The following USP15 variants were observed in gnomAD, a reference collection of about 807,000 sequenced individuals.
USP15 encodes the protein ubiquitin specific peptidase 15.
A neutral mutation model predicts 127.1 loss-of-function variants in USP15; 18 were observed. The observed-to-expected ratio is 0.14, with a 90% CI of 0.10 to 0.21. The LOEUF (loss-of-function observed/expected upper bound fraction) is 0.21. Ranked by LOEUF, USP15 falls within the 10% of genes least tolerant of loss-of-function variation. USP15 has a pLI of 1.00. For missense variants in USP15, 805 were observed against 1,159.9 expected, an observed-to-expected ratio of 0.69 and a Z score of 4.44; for synonymous variants, 364 against 393.7, an observed-to-expected ratio of 0.92 and a Z score of 0.89.
At chr12:62,296,335 C>T (rs1287901689) in intron 2 of USP15, among the ~76,000 whole-genome samples, 1 of 152,138 alleles carries the variant, frequency 6.6e-6, no homozygotes, top group Non-Finnish European at 1.5e-5. Flanking sequence ...GAACTGTGAA[C>T]TAATAAATCG....
chr12:62,275,991 C>T (rs917225707), intron 1 of USP15, among the ~76,000 whole-genome samples: 1 of 152,014 alleles, frequency 6.6e-6, no homozygotes, highest in African/African-American at 2.4e-5. Context: ...AGATTGAAAA[C>T]CATAGGTCTT....
In USP15 at chr12:62,384,110, A is replaced by G; in HGVS notation, c.1281A>G (p.Leu427=). 1 of 1,612,836 alleles carries G rather than the reference A, an allele frequency of 6.2e-7. No individual in the cohort carries two copies. The highest frequency in any genetic ancestry group is 8.5e-7 in the Non-Finnish European group (1 of 1,179,252). ...CCGAAGAAGCCTGGGAAAACCATTT[A>G]AAACGAAATGATTCTATCATAGTAG... ...VVAEEAWENH[L]KRNDSIIVDI... The change falls in exon 11 of 22, where the codon TTA becomes TTG. Residue 427 remains leucine, a synonymous_variant. Coordinates refer to ENST00000280377, the MANE Select transcript of USP15 (RefSeq NM_001252078.2).
At chr12:62,377,827 T>G (rs1400173970) in intron 8 of USP15, among the ~76,000 whole-genome samples, 3 of 151,518 alleles carry the variant, frequency 2.0e-5, no homozygotes, top group African/African-American at 7.3e-5. Context: ...AATTGCTTGA[T>G]TTTTTTTTCC....
intron 3 of USP15, among the ~76,000 whole-genome samples, chr12:62,306,694 A>G (rs2064492347): frequency 6.6e-6 from 1 of 152,202 alleles, no homozygotes; most frequent in Non-Finnish European, 1.5e-5. Context: ...AACAGAGCCA[A>G]TATTTACTAG....
chr12:62,340,073 G>C (rs2065600964), intron 6 of USP15, among the ~76,000 whole-genome samples: 1 of 152,082 alleles, frequency 6.6e-6, no homozygotes, highest in Non-Finnish European at 1.5e-5. Context: ...ACTTGTTATT[G>C]GTCTATTCAG....
In USP15 at chr12:62,338,997, T is replaced by A. The variant is rs558796242; in HGVS notation, c.684-10224T>A. Among the ~76,000 whole-genome samples, 6 of 152,346 alleles carry A rather than the reference T, an allele frequency of 3.9e-5. 1 individual carries two copies. The highest frequency in any genetic ancestry group is 1.4e-4 in the African/African-American group (6 of 41,590). On this transcript the variant is annotated intron_variant, in intron 6 of 21. Coordinates refer to ENST00000280377, the MANE Select transcript of USP15 (RefSeq NM_001252078.2). Reference sequence around the variant, plus strand: ...TGAAATTTAAAGTAGTTTTTTCTAATTCTGTGAAGAATGTCAATGTCAATT... The same window carrying A: ...TGAAATTTAAAGTAGTTTTTTCTAAATCTGTGAAGAATGTCAATGTCAATT...
chr12:62,279,997 C>G (rs1156478870), intron 1 of USP15, among the ~76,000 whole-genome samples: 1 of 152,046 alleles, frequency 6.6e-6, no homozygotes, highest in Admixed American at 6.6e-5. Context: ...ACTTTGTAAC[C>G]TTGGGCAAGT....
chr12:62,350,615 G>T (rs963485132), intron 7 of USP15, among the ~76,000 whole-genome samples: 1 of 152,034 alleles, frequency 6.6e-6, no homozygotes, highest in African/African-American at 2.4e-5. Flanking sequence ...TACAAGTAAA[G>T]GAATTAAATA....
chr12:62,287,798 CT>C (rs1400053705), intron 1 of USP15, among the ~76,000 whole-genome samples: 4 of 152,108 alleles, frequency 2.6e-5, no homozygotes, highest in African/African-American at 9.7e-5. Flanking sequence ...CAGTTTCATT[CT>C]TCTGCATGTG....
chr12:62,396,789 T>A lies in USP15; in HGVS notation c.2674+391T>A, dbSNP rs116651009. Among the ~76,000 whole-genome samples the A allele has an allele frequency of 3.5e-3, 533 of 152,318 alleles. 4 individuals carry two copies. Among genetic ancestry groups the A allele is most frequent in the African/African-American group, 0.012 (494 of 41,564 alleles). Reference sequence around the variant, plus strand: ...CTCGACACTTATGAAGACTTATCTGTGTTGCTTTGTGTCCATTTAGTCAGT... The same window carrying A: ...CTCGACACTTATGAAGACTTATCTGAGTTGCTTTGTGTCCATTTAGTCAGT... On this transcript the variant is annotated intron_variant, in intron 20 of 21. Transcript: ENST00000280377.
chr12:62,292,258 T>A (rs2063993849), intron 1 of USP15, among the ~76,000 whole-genome samples: 1 of 152,228 alleles, frequency 6.6e-6, no homozygotes, highest in Non-Finnish European at 1.5e-5. Flanking sequence ...TTCAGTTCTC[T>A]TAGACACTGC....
chr12:62,317,105 A>G (rs930757682), intron 4 of USP15, among the ~76,000 whole-genome samples: 5 of 152,146 alleles, frequency 3.3e-5, no homozygotes, highest in African/African-American at 9.7e-5. Flanking sequence ...ATCAACATAT[A>G]TGTTTATTTC....
intron 1 of USP15, among the ~76,000 whole-genome samples, chr12:62,261,695 G>C (rs1000999112): frequency 6.6e-6 from 1 of 152,150 alleles, no homozygotes; most frequent in Non-Finnish European, 1.5e-5. Flanking sequence ...ATATTTATGA[G>C]ATATCAAATT....
At chr12:62,284,263 C>T (rs923302512) in intron 1 of USP15, among the ~76,000 whole-genome samples, 1 of 152,054 alleles carries the variant, frequency 6.6e-6, no homozygotes, top group Non-Finnish European at 1.5e-5. Flanking sequence ...GAAAGCAAGT[C>T]GAATGTCTGA....
In USP15 at chr12:62,391,498, A is replaced by C. The variant is rs1428632263; in HGVS notation, c.2233+69A>C. ...CATGTTATTTTTTTTTTAGGTGAAA[A>C]CCATGAAATTCAGCTCTGTCAAGAA... On this transcript the variant is annotated intron_variant, in intron 16 of 21. Coordinates refer to ENST00000280377, the MANE Select transcript of USP15 (RefSeq NM_001252078.2). 7 of 1,549,940 alleles carry C rather than the reference A, an allele frequency of 4.5e-6. No homozygotes were observed. The Admixed American group carries it at 1.6e-4, about 35-fold the overall frequency.
At chr12:62,330,933 G>GAAAAAAAA (rs36008434) in intron 6 of USP15, among the ~76,000 whole-genome samples, 11 of 120,256 alleles carry the variant, frequency 9.1e-5, no homozygotes, top group African/African-American at 9.5e-5. Context: ...CTCCAAAAAG[G>GAAAAAAAA]AAAAAAAAAA....
intron 6 of USP15, among the ~76,000 whole-genome samples, chr12:62,338,361 A>C (rs1188910728): frequency 6.6e-6 from 1 of 152,112 alleles, no homozygotes; most frequent in Non-Finnish European, 1.5e-5. Context: ...TGTTCCTTGT[A>C]GATTCTGGAT....
intron 8 of USP15, among the ~76,000 whole-genome samples, chr12:62,380,189 G>A (rs1421767731): frequency 6.6e-6 from 1 of 151,852 alleles, no homozygotes; most frequent in South Asian, 2.1e-4. Flanking sequence ...TTGCCTTGAG[G>A]TAGGGGCCAG....
At chr12:62,292,454 A>T (rs913312349) in intron 1 of USP15, among the ~76,000 whole-genome samples, 1 of 152,242 alleles carries the variant, frequency 6.6e-6, no homozygotes, top group African/African-American at 2.4e-5. Flanking sequence ...ACCTGGGCCC[A>T]GAGGCCACTG....
Sources: allele counts gnomAD v4.1 joint callset (sites outside exome capture counted in the v4.1 genomes callset), GRCh38; gene constraint gnomAD v4.1.1; transcripts MANE v1.5; gene names NCBI Gene and HGNC (gene_info 2026-07-23, HGNC 2026-07-21).